PIK3AP1: variants seen among roughly 807,000 people sequenced by gnomAD.
PIK3AP1 encodes the protein phosphoinositide 3-kinase adapter protein 1.
PIK3AP1 carries 21 observed loss-of-function variants against 88.1 expected under a neutral mutation model. The ratio of observed to expected loss-of-function variants is 0.24; its 90% CI spans 0.17 to 0.34. The LOEUF is 0.34. Ranked by LOEUF, PIK3AP1 falls within the 10% of genes least tolerant of loss-of-function variation. The pLI is 1.00. For missense variants in PIK3AP1, 828 were observed against 1,035.7 expected (o/e 0.80, Z 2.75); for synonymous variants, 398 against 400.0 (o/e 1.00, Z 0.06).
At chr10:96,670,572 C>T (rs1431406462) in intron 2 of PIK3AP1, among the ~76,000 whole-genome samples, 1 of 152,034 alleles carries the variant, frequency 6.6e-6, no homozygotes, top group Non-Finnish European at 1.5e-5. Context: ...GTGTCTGGGC[C>T]ACAAGAAACA....
At chr10:96,625,354 A>G (rs1400797902) in intron 10 of PIK3AP1, among the ~76,000 whole-genome samples, 1 of 152,182 alleles carries the variant, frequency 6.6e-6, no homozygotes, top group African/African-American at 2.4e-5. Flanking sequence ...ACAGAAATGC[A>G]AAGGGCTAGA....
chr10:96,626,065 G>T (rs1012003972), intron 10 of PIK3AP1, among the ~76,000 whole-genome samples: 4 of 152,222 alleles, frequency 2.6e-5, no homozygotes, highest in Admixed American at 1.3e-4. Context: ...TACTCTTATA[G>T]TACTTGTAAC....
intron 8 of PIK3AP1, among the ~76,000 whole-genome samples, chr10:96,639,363 A>G (rs981520073): frequency 6.6e-6 from 1 of 152,238 alleles, no homozygotes; most frequent in Admixed American, 6.5e-5. Context: ...GCTGTAAGAC[A>G]TGCTTCCTAT....
At chr10:96,617,190 C>T (rs760683230) in intron 12 of PIK3AP1, among the ~76,000 whole-genome samples, 4 of 152,220 alleles carry the variant, frequency 2.6e-5, no homozygotes, top group African/African-American at 4.8e-5. Flanking sequence ...CACTCTTGTG[C>T]CTTGCCTCTT....
intron 2 of PIK3AP1, among the ~76,000 whole-genome samples, chr10:96,675,393 T>C (rs1236441179): frequency 2.6e-5 from 4 of 152,178 alleles, no homozygotes; most frequent in African/African-American, 7.2e-5. Flanking sequence ...CTGGCAAATC[T>C]TGCGTCTTCC....
At chr10:96,666,641 G>C (rs1188519776) in intron 2 of PIK3AP1, among the ~76,000 whole-genome samples, 1 of 151,996 alleles carries the variant, frequency 6.6e-6, no homozygotes, top group Middle Eastern at 3.2e-3. Context: ...CTAGGTAAGA[G>C]CTGGTGACAG....
At chr10:96,604,125 T>C in intron 14 of PIK3AP1, 76 bp from the exon 15 acceptor site, 2 of 1,195,834 alleles carry the variant, frequency 1.7e-6, no homozygotes, top group South Asian at 1.4e-5. Context: ...CTAGAACTTA[T>C]TTAGTTTTAT....
At chr10:96,667,982 T>G (rs977376742) in intron 2 of PIK3AP1, among the ~76,000 whole-genome samples, 1 of 152,208 alleles carries the variant, frequency 6.6e-6, no homozygotes, top group African/African-American at 2.4e-5. Context: ...TCTATCTATA[T>G]CAAGAGATAC....
In PIK3AP1 at chr10:96,676,770, G is replaced by A. The variant is rs562429420; in HGVS notation, c.431-19836C>T. 4.6e-5 allele frequency among the ~76,000 whole-genome samples: 7 copies of A among 151,682 alleles called. No homozygotes were observed. In the South Asian group the frequency reaches 1.5e-3, roughly 31 times the overall value. ...ATTAACAGCTTACAAAGCTGGTCAA[G>A]TTGTATCTTCCAGAATAATCATCTC... On this transcript the variant is annotated intron_variant, in intron 2 of 16. Coordinates refer to ENST00000339364, the MANE Select transcript of PIK3AP1 (RefSeq NM_152309.3).
chr10:96,599,829 T>A (rs1407779216), intron 16 of PIK3AP1, among the ~76,000 whole-genome samples: 1 of 152,160 alleles, frequency 6.6e-6, no homozygotes, highest in East Asian at 1.9e-4. Context: ...TAGCAAAAAA[T>A]GTTTTCCTCC....
At chr10:96,704,363 C>T (rs1175239438) in intron 2 of PIK3AP1, among the ~76,000 whole-genome samples, 1 of 152,168 alleles carries the variant, frequency 6.6e-6, no homozygotes, top group Non-Finnish European at 1.5e-5. Flanking sequence ...GCTTAGACCC[C>T]TTGTTTGTAC....
At chr10:96,705,886 T>TAG (rs1425540927) in intron 2 of PIK3AP1, among the ~76,000 whole-genome samples, 15 of 109,484 alleles carry the variant, frequency 1.4e-4, no homozygotes, top group African/African-American at 6.5e-4. Flanking sequence ...AGCCAGTTGT[T>TAG]TTTTTTTTTT....
chr10:96,623,205 T>C (rs1843110546), intron 11 of PIK3AP1, among the ~76,000 whole-genome samples: 3 of 152,056 alleles, frequency 2.0e-5, no homozygotes, highest in South Asian at 2.1e-4. Flanking sequence ...AATTAAATAA[T>C]TTATTTAATT....
Position 96,602,325 on chromosome 10 carries a change from G to T in PIK3AP1, c.2315C>A (p.Ser772Tyr). 6.2e-7 allele frequency: 1 copy of T among 1,611,166 alleles called. No individual in the cohort carries two copies. Among genetic ancestry groups the T allele is most frequent in the Non-Finnish European group, 8.5e-7 (1 of 1,178,798 alleles). The change falls in exon 16 of 17, where the codon TCC (serine) becomes TAC (tyrosine). Residue 772 changes from serine (S) to tyrosine (Y), a missense_variant. Coordinates refer to ENST00000339364, the MANE Select transcript of PIK3AP1 (RefSeq NM_152309.3). ...AGGCACCCTGGGGGGTCTCTCGAGG[G>T]ACATGGTGGGTGTCCCATCCACTTG... ...PPQVDGTPTM[S>Y]LERPPRVPPR... is the part of the protein sequence containing the mutation.
chr10:96,677,672 GT>G (rs1264914767), intron 2 of PIK3AP1, among the ~76,000 whole-genome samples: 1 of 150,880 alleles, frequency 6.6e-6, no homozygotes, highest in Non-Finnish European at 1.5e-5. Flanking sequence ...AACAAACACA[GT>G]TTGGTCACGT....
chr10:96,704,675 C>A (rs1005090370), intron 2 of PIK3AP1, among the ~76,000 whole-genome samples: 3 of 151,260 alleles, frequency 2.0e-5, no homozygotes, highest in Admixed American at 2.0e-4. Context: ...GCCGAGATTG[C>A]GCCACTGTAT....
At chr10:96,595,770 G>A in intron 16 of PIK3AP1, 136 bp from the exon 17 acceptor site, 2 of 803,410 alleles carry the variant, frequency 2.5e-6, no homozygotes, top group Non-Finnish European at 4.1e-6. Flanking sequence ...ACATATGAAT[G>A]TATGAGTGAC....
intron 2 of PIK3AP1, among the ~76,000 whole-genome samples, chr10:96,701,758 T>C (rs1439812985): frequency 2.0e-5 from 3 of 152,184 alleles, no homozygotes; most frequent in African/African-American, 7.2e-5. Flanking sequence ...GGGGACTCTA[T>C]AGCAGTATGA....
At chr10:96,654,491 C>A (rs1564972260) in intron 3 of PIK3AP1, among the ~76,000 whole-genome samples, 1 of 152,164 alleles carries the variant, frequency 6.6e-6, no homozygotes, top group Admixed American at 6.5e-5. Flanking sequence ...GCTGAGGCTG[C>A]ACACACATGT....
Sources: gnomAD v4.1 joint callset for allele counts (sites outside exome capture counted in the v4.1 genomes callset) on GRCh38, gnomAD v4.1.1 for gene constraint, MANE v1.5 for transcripts, NCBI Gene and HGNC (gene_info 2026-07-23, HGNC 2026-07-21) for gene names.